The following CSMD3 variants were observed in gnomAD, a reference collection of about 807,000 sequenced individuals.
The protein encoded by CSMD3 is CUB and Sushi multiple domains 3, also known as CUB and sushi domain-containing protein 3.
CSMD3 carries 177 observed loss-of-function variants against 435.2 expected under a neutral mutation model. The ratio of observed to expected loss-of-function variants is 0.41; its 90% CI spans 0.36 to 0.46. The LOEUF (loss-of-function observed/expected upper bound fraction) is 0.46. Among genes scored for constraint, CSMD3 ranks in the 20% least tolerant of loss-of-function variants. CSMD3 has a pLI of 0.34. For missense variants in CSMD3, 4,265 were observed against 4,504.6 expected (o/e 0.95, Z 1.52); for synonymous variants, 1,656 against 1,520.5 (o/e 1.09, Z -2.07).
intron 6 of CSMD3, 140 bp from the exon 7 acceptor site, chr8:112,976,288 T>A: frequency 3.1e-6 from 3 of 970,492 alleles, no homozygotes; most frequent in Non-Finnish European, 4.7e-6. Context: ...AACACGCGAG[T>A]AAATTGTGAA....
intron 31 of CSMD3, among the ~76,000 whole-genome samples, chr8:112,488,504 A>G (rs1820365912): frequency 6.6e-6 from 1 of 152,166 alleles, no homozygotes; most frequent in Non-Finnish European, 1.5e-5. Flanking sequence ...AGTTTTGCTT[A>G]TTTTCACTCC....
intron 22 of CSMD3, among the ~76,000 whole-genome samples, chr8:112,608,976 A>C (rs2131456509): frequency 6.6e-6 from 1 of 152,002 alleles, no homozygotes; most frequent in East Asian, 1.9e-4. Flanking sequence ...GCAAACAATA[A>C]AAGCAAAGAT....
intron 2 of CSMD3, among the ~76,000 whole-genome samples, chr8:113,281,154 T>C (rs1028379923): frequency 8.6e-5 from 13 of 151,962 alleles, no homozygotes; most frequent in South Asian, 2.1e-4. Context: ...GGTTGTTGGA[T>C]AAAATGTGCT....
intron 13 of CSMD3, among the ~76,000 whole-genome samples, chr8:112,785,146 A>G (rs2078504872): frequency 6.6e-6 from 1 of 152,060 alleles, no homozygotes; most frequent in African/African-American, 2.4e-5. Flanking sequence ...ATATTAATAG[A>G]ATGAAGAACA....
chr8:113,209,996 C>T (rs1323075529), intron 3 of CSMD3, among the ~76,000 whole-genome samples: 1 of 136,750 alleles, frequency 7.3e-6, no homozygotes, highest in African/African-American at 2.6e-5. Flanking sequence ...TTTTACTTCT[C>T]CTAAAAGGTG....
rs535619627 is a variant in CSMD3 at position 112,836,491 on chromosome 8, C to T, written c.1756-6702G>A. ...TCCATTTGCCAGTGATTCGATTACA[C>T]GTATTTGACCTAATTCTGGCCACTG... On this transcript the variant is annotated intron_variant, in intron 11 of 70. Coordinates refer to ENST00000297405, the MANE Select transcript of CSMD3 (RefSeq NM_198123.2). Among the ~76,000 whole-genome samples the T allele has an allele frequency of 7.9e-5, 12 of 151,908 alleles. No individual in the cohort carries two copies. In the South Asian group the frequency reaches 1.7e-3, roughly 21 times the overall value.
rs369665656 is a variant in CSMD3, at chr8:112,324,761, G to C, written c.7166-4780C>G. On this transcript the variant is annotated intron_variant, in intron 45 of 70. Transcript: ENST00000297405. ...GCCTTTAAAGAGATTTAAGTTGGAG[G>C]GGAATGTGGTCAGATTTATCCTTTA... is the stretch of plus-strand genomic sequence containing the variant. Among the ~76,000 whole-genome samples the C allele has an allele frequency of 4.6e-4, 70 of 152,100 alleles. 1 individual carries two copies. In the East Asian group the frequency reaches 6.0e-3, roughly 13 times the overall value.
intron 66 of CSMD3, among the ~76,000 whole-genome samples, chr8:112,239,702 T>C (rs971376708): frequency 6.6e-6 from 1 of 152,112 alleles, no homozygotes; most frequent in Non-Finnish European, 1.5e-5. Context: ...TAAATGTTGA[T>C]AATTATTGAT....
At chr8:112,397,634 C>T (rs1830965845) in intron 35 of CSMD3, among the ~76,000 whole-genome samples, 2 of 152,106 alleles carry the variant, frequency 1.3e-5, no homozygotes, top group South Asian at 4.1e-4. Context: ...TGGCTGTGTC[C>T]TCACATGGTA....
At chr8:112,484,210 T>TTTTTCTAGTTAGAAAAA (rs1819901541) in intron 31 of CSMD3, among the ~76,000 whole-genome samples, 1 of 152,182 alleles carries the variant, frequency 6.6e-6, no homozygotes, top group Non-Finnish European at 1.5e-5. Flanking sequence ...CTCTAGACTT[T>TTTTTCTAGTTAGAAAAA]AACCGAATTT....
intron 3 of CSMD3, among the ~76,000 whole-genome samples, chr8:113,184,008 A>AC (rs1215431075): frequency 6.6e-6 from 1 of 151,614 alleles, no homozygotes; most frequent in East Asian, 1.9e-4. Flanking sequence ...CCCAAGACTG[A>AC]CCCCCCAGGC....
rs978202262 is a variant in CSMD3 at position 113,215,834 on chromosome 8, C to CT, written c.515-41919dup. 1.6e-3 allele frequency among the ~76,000 whole-genome samples: 247 copies of CT among 151,398 alleles called. 3 individuals carry two copies. The highest frequency in any genetic ancestry group is 0.014 in the Admixed American group (218 of 15,184). On this transcript the variant is annotated intron_variant, in intron 3 of 70. Coordinates refer to ENST00000297405, the MANE Select transcript of CSMD3 (RefSeq NM_198123.2). ...TCTTTAGGACACTCTATACCTTTTTCTTTTTAAAAAAAAATTCACTGTACT... is the reference window on the plus strand; with the variant it reads ...TCTTTAGGACACTCTATACCTTTTTCTTTTTTAAAAAAAAATTCACTGTACT...
intron 22 of CSMD3, among the ~76,000 whole-genome samples, chr8:112,606,596 C>T (rs1389591558): frequency 6.6e-6 from 1 of 152,130 alleles, no homozygotes; most frequent in Non-Finnish European, 1.5e-5. Flanking sequence ...ACACATTATT[C>T]TTAAATGAAC....
intron 1 of CSMD3, among the ~76,000 whole-genome samples, chr8:113,402,835 A>G (rs1289854009): frequency 2.0e-5 from 3 of 151,376 alleles, no homozygotes; most frequent in Non-Finnish European, 4.4e-5. Flanking sequence ...ATAATTTATT[A>G]GGAAACAAAA....
intron 1 of CSMD3, among the ~76,000 whole-genome samples, chr8:113,406,055 T>C (rs1306850428): frequency 2.6e-5 from 4 of 151,844 alleles, no homozygotes; most frequent in Non-Finnish European, 5.9e-5. Flanking sequence ...TGTCAGAAGC[T>C]GTATATGACA....
At chr8:112,689,459 G>C (rs1198580652) in intron 14 of CSMD3, among the ~76,000 whole-genome samples, 5 of 151,894 alleles carry the variant, frequency 3.3e-5, no homozygotes, top group Non-Finnish European at 7.4e-5. Flanking sequence ...GCAAAAATAA[G>C]TTAGTGCATT....
In CSMD3 at chr8:112,921,636, C is replaced by A. The variant is rs1407449531; in HGVS notation, c.1624G>T (p.Val542Leu). The A allele has an allele frequency of 6.2e-7, 1 of 1,612,540 alleles. No homozygotes were observed. Among genetic ancestry groups the A allele is most frequent in the Non-Finnish European group, 8.5e-7 (1 of 1,178,850 alleles). The change falls in exon 10 of 71, where the codon GTG (valine) becomes TTG (leucine). Residue 542 changes from valine to leucine, a missense_variant. Val to Leu is a conservative substitution (Grantham distance 32). Coordinates refer to ENST00000297405, the MANE Select transcript of CSMD3 (RefSeq NM_198123.2). ...TATTATAAAACATTACCTTTACACACAGGCCTGTGATCACTCCAAGCAGCA... is the reference window on the plus strand; with the variant it reads ...TATTATAAAACATTACCTTTACACAAAGGCCTGTGATCACTCCAAGCAGCA... ...VFAAWSDHRP[V>L]CKVKTCGSNL...
At chr8:112,792,503 T>A (rs1459435735) in intron 13 of CSMD3, among the ~76,000 whole-genome samples, 1 of 152,128 alleles carries the variant, frequency 6.6e-6, no homozygotes, top group Non-Finnish European at 1.5e-5. Flanking sequence ...AAAGGCCTCA[T>A]CTCTAGACAC....
At chr8:112,346,289 T>C in intron 40 of CSMD3, 76 bp from the exon 41 acceptor site, 1 of 925,200 alleles carries the variant, frequency 1.1e-6, no homozygotes, top group East Asian at 2.4e-5. Flanking sequence ...ATTAAAATCA[T>C]TTCACGTTTT....
Sources: gnomAD v4.1 joint callset for allele counts (sites outside exome capture counted in the v4.1 genomes callset) on GRCh38, gnomAD v4.1.1 for gene constraint, MANE v1.5 for transcripts, NCBI Gene and HGNC (gene_info 2026-07-23, HGNC 2026-07-21) for gene names.